The following DDX59 variants were observed in gnomAD, a reference collection of about 807,000 sequenced individuals.
DDX59 encodes the protein probable ATP-dependent RNA helicase DDX59.
In DDX59, 30 loss-of-function variants were observed where a neutral mutation model predicts 51.9. The ratio of observed to expected loss-of-function variants is 0.58; its 90% CI spans 0.43 to 0.78. The LOEUF is 0.78. Among genes scored for constraint, DDX59 ranks in the 30% least tolerant of loss-of-function variants. DDX59 has a pLI of 0.00. For missense variants in DDX59, 672 were observed against 730.8 expected (o/e 0.92, Z 0.93); for synonymous variants, 255 against 253.3 (o/e 1.01, Z -0.06).
At chr1:200,664,521 A>G (rs975931003) in intron 2 of DDX59, among the ~76,000 whole-genome samples, 1 of 152,164 alleles carries the variant, frequency 6.6e-6, no homozygotes, top group Non-Finnish European at 1.5e-5. Flanking sequence ...ACTTACATAT[A>G]TACCCATATC....
rs551954322 is a variant in DDX59, at chr1:200,663,101, G to A, written c.972+818C>T. Among the ~76,000 whole-genome samples the A allele has an allele frequency of 4.6e-5, 7 of 152,280 alleles. No homozygotes were observed. The South Asian group carries it at 1.4e-3, about 32-fold the overall frequency. On this transcript the variant is annotated intron_variant, in intron 3 of 7. Coordinates refer to ENST00000331314, the MANE Select transcript of DDX59 (RefSeq NM_001031725.6). The stretch of plus-strand genomic sequence containing the variant: ...CCCATAGAAGCTGTCGAATACTGCA[G>A]GAGCTTCATCCCAGCTGGTACTGCT...
chr1:200,645,484 G>A (rs1661239790), intron 7 of DDX59, among the ~76,000 whole-genome samples: 1 of 152,062 alleles, frequency 6.6e-6, no homozygotes, highest in South Asian at 2.1e-4. Flanking sequence ...TCACCATCTT[G>A]ACCAGGCTGG....
chr1:200,663,723 C>G (rs1662521784), intron 3 of DDX59, among the ~76,000 whole-genome samples, 196 bp downstream of exon 3: 1 of 150,536 alleles, frequency 6.6e-6, no homozygotes, highest in Non-Finnish European at 1.5e-5. Context: ...ATATAATGGG[C>G]ACTCAATAAA....
At chr1:200,645,039 G>A (rs1382945998) in intron 7 of DDX59, among the ~76,000 whole-genome samples, 1 of 151,750 alleles carries the variant, frequency 6.6e-6, no homozygotes, top group Non-Finnish European at 1.5e-5. Context: ...AGACCAAACA[G>A]AAAATAAGAG....
In DDX59 at chr1:200,648,502, C is replaced by T. The variant is rs1661441119; in HGVS notation, c.1533G>A (p.Leu511=). 1 of 1,614,166 alleles carries T rather than the reference C, an allele frequency of 6.2e-7. No individual in the cohort carries two copies. The highest frequency in any genetic ancestry group is 1.7e-5 in the Admixed American group (1 of 60,030). Residue 511 remains leucine (L), a synonymous_variant, in exon 7 of 8, where the codon TTG becomes TTA. Transcript: ENST00000331314. ...STGVLGRGLD[L]ISVRLVVNFD... is the part of the protein sequence containing the mutation. ...AATTGACAACCAGCCTGACACTGAT[C>T]AAGTCTAGGCCTCGTCCCAAGACTC...
Position 200,650,593 on chromosome 1 carries a change from CA to C in DDX59, c.1145del (p.Leu382TrpfsTer10). ...ENIPNDCQTI[L>X]VSATIPTSIE... ...TGCTAGTTGGAATTGTGGCTGAAAC[CA>C]AAATGGTCTGACAATCATTAGGAAT... On this transcript the variant is annotated frameshift_variant, in exon 5 of 8. Coordinates refer to ENST00000331314, the MANE Select transcript of DDX59 (RefSeq NM_001031725.6). LOFTEE classifies it high-confidence loss of function. 1 of 1,613,942 alleles carries C rather than the reference CA, an allele frequency of 6.2e-7. No individual in the cohort carries two copies. Among genetic ancestry groups the C allele is most frequent in the South Asian group, 1.1e-5 (1 of 91,064 alleles).
At chr1:200,668,263 G>C (rs1662916480) in intron 1 of DDX59, among the ~76,000 whole-genome samples, 1 of 151,188 alleles carries the variant, frequency 6.6e-6, no homozygotes, top group South Asian at 2.1e-4. Flanking sequence ...AGCCCAGATC[G>C]CGCCACTGCA....
At position 200,664,071 on chromosome 1, in the gene DDX59, CAGATG is replaced by C. The variant is rs1303167275; in HGVS notation, c.815_819del (p.Pro272ArgfsTer19). The C allele has an allele frequency of 6.2e-7, 1 of 1,611,516 alleles. No individual in the cohort carries two copies. Among genetic ancestry groups the C allele is most frequent in the Non-Finnish European group, 8.5e-7 (1 of 1,179,444 alleles). On this transcript the variant is annotated frameshift_variant, in exon 3 of 8. Coordinates refer to ENST00000331314, the MANE Select transcript of DDX59 (RefSeq NM_001031725.6). LOFTEE classifies it high-confidence loss of function. Reference sequence around the variant, plus strand: ...TCTCTGGTTGGTGTAAGAATGAGCGCAGATGGAGTTTTGCTCTGCAAAGATGTGAA... The same window carrying C: ...TCTCTGGTTGGTGTAAGAATGAGCGCGAGTTTTGCTCTGCAAAGATGTGAA...
At chr1:200,651,429 C>T (rs1661656591) in intron 4 of DDX59, among the ~76,000 whole-genome samples, 1 of 152,058 alleles carries the variant, frequency 6.6e-6, no homozygotes, top group Admixed American at 6.5e-5. Context: ...CTAAAAGAGG[C>T]TGGATGGAGC....
chr1:200,641,341 C>A, downstream of DDX59: 2 of 588,448 alleles, frequency 3.4e-6, no homozygotes, highest in Non-Finnish European at 5.2e-6. Flanking sequence ...ATCAGTGAGT[C>A]ACAGTTTAAA....
intron 5 of DDX59, 38 bp from the exon 6 acceptor site, chr1:200,649,264 T>A: frequency 6.8e-7 from 1 of 1,480,326 alleles, no homozygotes; most frequent in Non-Finnish European, 9.1e-7. Flanking sequence ...ATTATTCATA[T>A]AAAATAATTT....
chr1:200,653,281 A>G (rs1661787850), intron 4 of DDX59, among the ~76,000 whole-genome samples: 1 of 152,160 alleles, frequency 6.6e-6, no homozygotes, highest in Non-Finnish European at 1.5e-5. Context: ...AATTCAACAC[A>G]TTCAAAACAG....
chr1:200,667,417 A>G (rs1191572470), intron 1 of DDX59, among the ~76,000 whole-genome samples: 1 of 152,176 alleles, frequency 6.6e-6, no homozygotes, highest in Admixed American at 6.5e-5. Flanking sequence ...CCTGAAAGGA[A>G]TAGTGAGGAC....
chr1:200,644,851 G>C (rs779984311), intron 7 of DDX59, among the ~76,000 whole-genome samples: 1 of 142,758 alleles, frequency 7.0e-6, no homozygotes, highest in Non-Finnish European at 1.5e-5. Context: ...AGCTGAGATC[G>C]TGCCACTGCA....
chr1:200,664,066 G>A lies in DDX59; in HGVS notation c.825C>T (p.Leu275=), dbSNP rs754564171. 6.2e-7 allele frequency: 1 copy of A among 1,612,034 alleles called. No individual in the cohort carries two copies. Among genetic ancestry groups the A allele is most frequent in the Non-Finnish European group, 8.5e-7 (1 of 1,179,466 alleles). ...ALFESKTPSA[L]ILTPTRELAI... ...CTAACTCTCTGGTTGGTGTAAGAAT[G>A]AGCGCAGATGGAGTTTTGCTCTGCA... The change falls in exon 3 of 8, where the codon CTC becomes CTT. Residue 275 remains leucine, a synonymous_variant. Transcript: ENST00000331314.
intron 5 of DDX59, among the ~76,000 whole-genome samples, chr1:200,650,096 G>C (rs1321139767): frequency 6.6e-6 from 1 of 151,866 alleles, no homozygotes; most frequent in African/African-American, 2.4e-5. Context: ...TGCCCGCCTC[G>C]GCCTCCTAAA....
intron 3 of DDX59, among the ~76,000 whole-genome samples, chr1:200,661,714 G>A (rs958081892): frequency 2.6e-5 from 4 of 152,248 alleles, no homozygotes; most frequent in Admixed American, 1.3e-4. Context: ...TATAAAAAGT[G>A]ATGGAACAAT....
chr1:200,646,902 T>C (rs1243008166), intron 7 of DDX59, among the ~76,000 whole-genome samples: 2 of 152,188 alleles, frequency 1.3e-5, no homozygotes, highest in Non-Finnish European at 2.9e-5. Flanking sequence ...CACGATAAAT[T>C]TTTTTGGCAA....
intron 4 of DDX59, 83 bp downstream of exon 4, chr1:200,658,944 T>C: frequency 4.2e-6 from 5 of 1,202,960 alleles, no homozygotes; most frequent in East Asian, 4.8e-5. Flanking sequence ...GAAAAGGTAC[T>C]GAACATACAA....
Sources: gnomAD v4.1 joint callset for allele counts (sites outside exome capture counted in the v4.1 genomes callset) on GRCh38, gnomAD v4.1.1 for gene constraint, MANE v1.5 for transcripts, NCBI Gene and HGNC (gene_info 2026-07-23, HGNC 2026-07-21) for gene names.